The following ALDH1L1 variants were observed in gnomAD, a reference collection of about 807,000 sequenced individuals.
The protein encoded by ALDH1L1 is cytosolic 10-formyltetrahydrofolate dehydrogenase.
Under a neutral mutation model 101.1 loss-of-function variants are expected in ALDH1L1, and 68 were observed. That is an observed-to-expected ratio of 0.67 (90% CI 0.55 to 0.82). ALDH1L1 has a LOEUF of 0.82. Among genes scored for constraint, ALDH1L1 ranks in the 40% least tolerant of loss-of-function variants. The pLI is 0.00. For synonymous variants in ALDH1L1, 486 were observed against 470.8 expected (o/e 1.03, Z -0.42); for missense variants, 1,087 against 1,172.7 (o/e 0.93, Z 1.07).
At chr3:126,172,051 T>C (rs1451820685) in intron 1 of ALDH1L1, among the ~76,000 whole-genome samples, 5 of 152,192 alleles carry the variant, frequency 3.3e-5, no homozygotes, top group Admixed American at 3.3e-4. Flanking sequence ...TTATATCCTC[T>C]GATACCCACA....
intron 1 of ALDH1L1, among the ~76,000 whole-genome samples, chr3:126,168,537 A>G (rs2081212700): frequency 6.6e-6 from 1 of 152,178 alleles, no homozygotes; most frequent in Admixed American, 6.5e-5. Context: ...TTAGCAAAAC[A>G]AAACAAACAG....
intron 1 of ALDH1L1, among the ~76,000 whole-genome samples, chr3:126,194,715 A>G (rs1403800721): frequency 2.0e-5 from 3 of 152,158 alleles, no homozygotes; most frequent in Non-Finnish European, 4.4e-5. Context: ...GCTTTTTCTT[A>G]TCTAATTTGA....
intron 9 of ALDH1L1, among the ~76,000 whole-genome samples, chr3:126,142,807 C>G (rs1035567736): frequency 6.6e-6 from 1 of 152,290 alleles, no homozygotes; most frequent in East Asian, 1.9e-4. Flanking sequence ...TTCACCACTT[C>G]CATTCAATAC....
At chr3:126,149,185 A>G (rs765443719) in intron 8 of ALDH1L1, among the ~76,000 whole-genome samples, 10 of 152,134 alleles carry the variant, frequency 6.6e-5, no homozygotes, top group Non-Finnish European at 1.3e-4. Flanking sequence ...CACAGTACAC[A>G]CTCCAGAAGT....
At chr3:126,157,757 C>T (rs1258229476) in intron 3 of ALDH1L1, among the ~76,000 whole-genome samples, 2 of 152,192 alleles carry the variant, frequency 1.3e-5, no homozygotes, top group African/African-American at 2.4e-5. Context: ...AACAGGTATA[C>T]TCGGTTTACA....
chr3:126,195,636 C>T (rs1247802549), intron 1 of ALDH1L1, among the ~76,000 whole-genome samples: 1 of 152,208 alleles, frequency 6.6e-6, no homozygotes, highest in African/African-American at 2.4e-5. Context: ...GATTATAAAT[C>T]ATGCTGCTAT....
chr3:126,122,142 C>T (rs973299977), intron 16 of ALDH1L1, among the ~76,000 whole-genome samples: 2 of 152,176 alleles, frequency 1.3e-5, no homozygotes, highest in Admixed American at 1.3e-4. Flanking sequence ...TAAACAAAAA[C>T]AGATCATCTG....
intron 11 of ALDH1L1, among the ~76,000 whole-genome samples, chr3:126,136,374 C>T (rs2080445393): frequency 6.6e-6 from 1 of 152,124 alleles, no homozygotes; most frequent in Admixed American, 6.6e-5. Context: ...GAGTGGCAAA[C>T]ACAGGACTCA....
intron 1 of ALDH1L1, among the ~76,000 whole-genome samples, chr3:126,164,244 A>G (rs1277272211): frequency 2.0e-5 from 3 of 152,216 alleles, no homozygotes; most frequent in Non-Finnish European, 4.4e-5. Flanking sequence ...TGTCCTATTC[A>G]GGTTTTGGTG....
At chr3:126,172,325 G>C (rs560056791) in intron 1 of ALDH1L1, among the ~76,000 whole-genome samples, 1 of 152,174 alleles carries the variant, frequency 6.6e-6, no homozygotes, top group African/African-American at 2.4e-5. Context: ...AGCTCTAATG[G>C]AAAAATGTGG....
At chr3:126,157,644 G>T in intron 3 of ALDH1L1, 136 bp from the exon 4 acceptor site, 1 of 932,450 alleles carries the variant, frequency 1.1e-6, no homozygotes, top group Non-Finnish European at 1.6e-6. Flanking sequence ...GCTCCGGCGG[G>T]AAACGGAAGA....
chr3:126,132,522 G>C (rs1030927697), intron 12 of ALDH1L1, among the ~76,000 whole-genome samples: 1 of 152,010 alleles, frequency 6.6e-6, no homozygotes. Flanking sequence ...TCCTCACATC[G>C]GCCTCTTCCA....
intron 1 of ALDH1L1, among the ~76,000 whole-genome samples, chr3:126,186,807 C>G (rs2081521515): frequency 6.6e-6 from 1 of 152,184 alleles, no homozygotes; most frequent in Non-Finnish European, 1.5e-5. Context: ...ACTGTCCAGT[C>G]AGTGGAGAGC....
chr3:126,119,760 A>G (rs1011261099), intron 16 of ALDH1L1, among the ~76,000 whole-genome samples: 1 of 152,274 alleles, frequency 6.6e-6, no homozygotes, highest in Non-Finnish European at 1.5e-5. Flanking sequence ...CAAAATATAC[A>G]AAGAACTCTC....
intron 20 of ALDH1L1, among the ~76,000 whole-genome samples, chr3:126,109,198 C>A (rs1208795254): frequency 6.6e-6 from 1 of 152,228 alleles, no homozygotes; most frequent in Non-Finnish European, 1.5e-5. Flanking sequence ...AAGGCCCGGT[C>A]TAGGCACAAA....
chr3:126,185,049 T>TC (rs1469071995), upstream of ALDH1L1, among the ~76,000 whole-genome samples: 1 of 152,060 alleles, frequency 6.6e-6, no homozygotes, highest in Non-Finnish European at 1.5e-5. Flanking sequence ...TCTCCATATT[T>TC]CCCCCTTTAA....
At chr3:126,111,561 T>C (rs979946364) in intron 19 of ALDH1L1, among the ~76,000 whole-genome samples, 6 of 152,222 alleles carry the variant, frequency 3.9e-5, no homozygotes, top group Admixed American at 2.6e-4. Context: ...CACTCCGTGT[T>C]GAGGGTCGTT....
intron 9 of ALDH1L1, among the ~76,000 whole-genome samples, chr3:126,145,015 A>C (rs1018747585): frequency 6.6e-6 from 1 of 152,248 alleles, no homozygotes; most frequent in African/African-American, 2.4e-5. Flanking sequence ...AAAAATGGGC[A>C]AAGACTTGAA....
chr3:126,131,597 C>A lies in ALDH1L1; in HGVS notation c.1473-63G>T. On this transcript the variant is annotated intron_variant, in intron 12 of 22. Transcript: ENST00000393434. ...CCTGGCACGGCCTCATCTGCCCTCACAAGGCCCTTCTTCAAGGAGCTGGGG... is the reference window on the plus strand; with the variant it reads ...CCTGGCACGGCCTCATCTGCCCTCAAAAGGCCCTTCTTCAAGGAGCTGGGG... 5 of 1,534,552 alleles carry A rather than the reference C, an allele frequency of 3.3e-6. No individual in the cohort carries two copies. In the South Asian group the frequency reaches 6.1e-5, roughly 19 times the overall value.
Sources: gnomAD v4.1 joint callset for allele counts (sites outside exome capture counted in the v4.1 genomes callset) on GRCh38, gnomAD v4.1.1 for gene constraint, MANE v1.5 for transcripts, NCBI Gene and HGNC (gene_info 2026-07-23, HGNC 2026-07-21) for gene names.